Variants in LINGO2 observed in about 807,000 individuals in gnomAD.
LINGO2 encodes the protein leucine rich repeat and Ig domain containing 2.
A neutral mutation model predicts 30.6 loss-of-function variants in LINGO2; 14 were observed. That is an observed-to-expected ratio of 0.46 (90% confidence interval 0.30 to 0.72). The LOEUF (loss-of-function observed/expected upper bound fraction) is 0.72, where lower values mean the gene tolerates loss of function less well. LINGO2 is among the 30% of genes least tolerant of loss of function. The pLI is 0.07. For synonymous variants in LINGO2, 317 were observed against 288.5 expected, an observed-to-expected ratio of 1.10 and a Z score of -1.00; for missense variants, 729 against 751.7, an observed-to-expected ratio of 0.97 and a Z score of 0.35.
intron 4 of LINGO2, among the ~76,000 whole-genome samples, chr9:28,039,558 CTCTTA>C (rs1009381822): frequency 3.3e-5 from 5 of 152,084 alleles, no homozygotes; most frequent in African/African-American, 9.7e-5. Flanking sequence ...ACAGTGCTAT[CTCTTA>C]TAATTCCATT....
the LINGO2 span, among the ~76,000 whole-genome samples, chr9:29,060,566 C>A: frequency 6.6e-6 from 1 of 151,938 alleles, no homozygotes; most frequent in African/African-American, 2.4e-5. Context: ...GAAGATAACT[C>A]ACATATTGGA....
At chr9:29,108,986 A>T in the LINGO2 span, among the ~76,000 whole-genome samples, 643 of 152,326 alleles carry the variant, frequency 4.2e-3, 2 homozygotes, top group African/African-American at 0.015. Context: ...CTTGCACAAT[A>T]GCTAGAACCA....
rs534310856 is a variant in LINGO2, at chr9:28,332,196, T to TG, written c.-245-36831_-245-36830insC. Among the ~76,000 whole-genome samples the TG allele has an allele frequency of 9.9e-3, 1,513 of 152,258 alleles. 13 individuals carry two copies. The highest frequency in any genetic ancestry group is 0.015 in the Non-Finnish European group (997 of 67,994). On this transcript the variant is annotated intron_variant, in intron 3 of 5. Transcript: ENST00000379992. ...TTCAATCTCTTTTTAGAATTTTTTTTTTCTAGTCCTTGCTTAAGACTTAAA... is the reference window on the plus strand; with the variant it reads ...TTCAATCTCTTTTTAGAATTTTTTTTGTTCTAGTCCTTGCTTAAGACTTAAA...
intron 4 of LINGO2, among the ~76,000 whole-genome samples, chr9:28,200,967 A>G (rs1820209324): frequency 6.6e-6 from 1 of 152,064 alleles, no homozygotes; most frequent in Non-Finnish European, 1.5e-5. Context: ...CCTGGTTACT[A>G]ACTTTAATTA....
chr9:28,172,015 TCAAAAAAAAAAAAAAAAA>T (rs1367987894), intron 4 of LINGO2, among the ~76,000 whole-genome samples: 436 of 3,332 alleles, frequency 0.13, 9 homozygotes, highest in African/African-American at 0.3. Flanking sequence ...AGACTCCGTC[TCAAAAAAAAAAAAAAAAA>T]CAAAAAAAAA....
intron 2 of LINGO2, among the ~76,000 whole-genome samples, chr9:28,425,166 C>CTTT (rs1564191004): frequency 6.7e-6 from 1 of 149,624 alleles, no homozygotes; most frequent in Non-Finnish European, 1.5e-5. Flanking sequence ...TTACATTCTG[C>CTTT]ACTTTAACAA....
intron 4 of LINGO2, among the ~76,000 whole-genome samples, chr9:28,046,757 G>A (rs931445265): frequency 8.0e-5 from 12 of 149,740 alleles, no homozygotes; most frequent in African/African-American, 2.5e-4. Flanking sequence ...CCACGATATT[G>A]TCCCCTGATG....
chr9:28,743,006 A>G, the LINGO2 span, among the ~76,000 whole-genome samples: 1 of 151,968 alleles, frequency 6.6e-6, no homozygotes, highest in African/African-American at 2.4e-5. Context: ...ATAATTGCCT[A>G]TATGATATAT....
the LINGO2 span, among the ~76,000 whole-genome samples, chr9:28,789,096 G>A: frequency 6.6e-6 from 1 of 151,942 alleles, no homozygotes; most frequent in Non-Finnish European, 1.5e-5. Flanking sequence ...TTCAGATTTT[G>A]GATAAACTTA....
chr9:28,626,966 T>C (rs976067336), intron 1 of LINGO2, among the ~76,000 whole-genome samples: 2 of 152,078 alleles, frequency 1.3e-5, no homozygotes, highest in African/African-American at 4.8e-5. Flanking sequence ...ATCTTTTTTA[T>C]TAGCTGATGC....
intron 4 of LINGO2, among the ~76,000 whole-genome samples, chr9:28,041,736 T>C (rs1824203614): frequency 6.6e-6 from 1 of 152,204 alleles, no homozygotes; most frequent in South Asian, 2.1e-4. Context: ...GGACCACACA[T>C]ATTGTTAGCG....
chr9:28,493,461 T>C (rs1587749272), intron 1 of LINGO2, among the ~76,000 whole-genome samples: 3 of 152,218 alleles, frequency 2.0e-5, no homozygotes, highest in Non-Finnish European at 2.9e-5. Flanking sequence ...TAATAAATCA[T>C]TGGAGATATA....
chr9:28,009,663 A>T (rs1822456818), intron 5 of LINGO2, among the ~76,000 whole-genome samples: 1 of 152,226 alleles, frequency 6.6e-6, no homozygotes, highest in African/African-American at 2.4e-5. Flanking sequence ...CCACAATGAA[A>T]TACTACTTCA....
the LINGO2 span, among the ~76,000 whole-genome samples, chr9:29,096,381 G>A: frequency 1.4e-5 from 2 of 139,692 alleles, 1 homozygote; most frequent in Admixed American, 1.5e-4. Context: ...CACCTCCTGG[G>A]CTCAAGCGAT....
At chr9:28,836,609 C>T in the LINGO2 span, among the ~76,000 whole-genome samples, 1 of 152,076 alleles carries the variant, frequency 6.6e-6, no homozygotes, top group South Asian at 2.1e-4. Context: ...AGCCACCACG[C>T]CTGGCCCTAA....
the LINGO2 span, among the ~76,000 whole-genome samples, chr9:29,085,312 GA>G: frequency 3.9e-3 from 275 of 71,304 alleles, 3 homozygotes; most frequent in African/African-American, 0.012. Flanking sequence ...AAAAAAAAAA[GA>G]ATAAATTAAA....
intron 4 of LINGO2, among the ~76,000 whole-genome samples, chr9:28,203,760 A>ATGTTGT (rs1224275108): frequency 6.6e-6 from 1 of 152,166 alleles, no homozygotes; most frequent in East Asian, 1.9e-4. Flanking sequence ...ACTTGTTTTG[A>ATGTTGT]GCTTCCTGGA....
intron 4 of LINGO2, among the ~76,000 whole-genome samples, chr9:28,051,537 G>A (rs1238392889): frequency 6.6e-6 from 1 of 152,052 alleles, no homozygotes; most frequent in Non-Finnish European, 1.5e-5. Context: ...TGGAGACACA[G>A]CAGGGAACAG....
chr9:28,045,963 CTT>C, intron 4 of LINGO2, among the ~76,000 whole-genome samples: 1 of 152,258 alleles, frequency 6.6e-6, no homozygotes, highest in East Asian at 1.9e-4. Flanking sequence ...TCAGGTTTCT[CTT>C]CATTTCCTCA....
Sources: allele counts gnomAD v4.1 joint callset (sites outside exome capture counted in the v4.1 genomes callset), GRCh38; gene constraint gnomAD v4.1.1; transcripts MANE v1.5; gene names NCBI Gene and HGNC (gene_info 2026-07-23, HGNC 2026-07-21).